The following SLC35D2 variants were observed in gnomAD, a reference collection of about 807,000 sequenced individuals.
SLC35D2 encodes the protein solute carrier family 35 member D2.
A neutral mutation model predicts 41.8 loss-of-function variants in SLC35D2; 43 were observed. The observed-to-expected ratio is 1.03, with a 90% confidence interval of 0.81 to 1.33. The LOEUF is 1.33. SLC35D2 is among the 40% of genes most tolerant of loss of function. The probability of loss-of-function intolerance (pLI) is 0.00; values close to 1 mark genes in which losing one functional copy is unlikely to be tolerated. For synonymous variants in SLC35D2, 150 were observed against 163.9 expected (o/e 0.92, Z 0.65); for missense variants, 380 against 408.4 (o/e 0.93, Z 0.60).
At chr9:96,321,799 T>C (rs1828244142) in intron 11 of SLC35D2, among the ~76,000 whole-genome samples, 199 bp downstream of exon 11, 1 of 152,166 alleles carries the variant, frequency 6.6e-6, no homozygotes, top group Admixed American at 6.5e-5. Context: ...CCCCGCAAAC[T>C]GCCATCACAC....
At chr9:96,318,495 G>A (rs756805737), downstream of SLC35D2, among the ~76,000 whole-genome samples, 3 of 151,608 alleles carry the variant, frequency 2.0e-5, no homozygotes, top group Non-Finnish European at 2.9e-5. Flanking sequence ...ATATAAAAGC[G>A]TATTGAAACA....
chr9:96,326,083 A>G (rs1364658287), intron 9 of SLC35D2, among the ~76,000 whole-genome samples: 1 of 152,266 alleles, frequency 6.6e-6, no homozygotes, highest in Non-Finnish European at 1.5e-5. Context: ...TTTGAAATAT[A>G]TAATTGATAT....
chr9:96,322,558 T>C (rs1334086413), intron 10 of SLC35D2, among the ~76,000 whole-genome samples: 5 of 152,088 alleles, frequency 3.3e-5, no homozygotes, highest in African/African-American at 4.8e-5. Context: ...TGGGGCTTAC[T>C]AAATAAATGC....
At chr9:96,364,434 TCA>T in intron 3 of SLC35D2, 28 bp downstream of exon 3, 1 of 1,263,466 alleles carries the variant, frequency 7.9e-7, no homozygotes. Context: ...ACATCTTCTA[TCA>T]CAGTCATACA....
chr9:96,337,813 C>T (rs1008375307), intron 8 of SLC35D2, among the ~76,000 whole-genome samples: 2 of 151,562 alleles, frequency 1.3e-5, no homozygotes, highest in Non-Finnish European at 2.9e-5. Flanking sequence ...GAAACCCTAT[C>T]TCTACGAAAA....
At chr9:96,376,313 A>T (rs1830954364) in intron 1 of SLC35D2, among the ~76,000 whole-genome samples, 1 of 146,722 alleles carries the variant, frequency 6.8e-6, no homozygotes, top group Admixed American at 6.8e-5. Context: ...AAAAAAAAAA[A>T]ATACAAAAAC....
Position 96,351,162 on chromosome 9 carries a change from A to G in SLC35D2, c.429T>C (p.Tyr143=), listed in dbSNP as rs114277330. The change falls in exon 6 of 12, where the codon TAT becomes TAC. Residue 143 remains tyrosine, a synonymous_variant. Transcript: ENST00000253270. ...AGACACTGAGGATGATGTTGAGTGA[A>G]TACTGCTTCCTGTAATAAATACACA... ...LLETIILGKQ[Y]SLNIILSVFA... is the part of the protein sequence containing the mutation. 1,597 of 1,606,020 alleles carry G rather than the reference A, an allele frequency of 9.9e-4. 13 individuals carry two copies. In the African/African-American group the frequency reaches 0.017, roughly 18 times the overall value.
rs570146790 is a variant in SLC35D2 at position 96,342,459 on chromosome 9, T to C, written c.684+1445A>G. 3.3e-5 allele frequency among the ~76,000 whole-genome samples: 5 copies of C among 152,290 alleles called. No homozygotes were observed. In the South Asian group the frequency reaches 1.0e-3, roughly 32 times the overall value. ...GTTCATAATTTTGTTTTGTGTAATG[T>C]TGGAGCACTGACTCAGTTTAAAATT... On this transcript the variant is annotated intron_variant, in intron 8 of 11. Transcript: ENST00000253270.
intron 4 of SLC35D2, among the ~76,000 whole-genome samples, chr9:96,355,416 C>T (rs543103142): frequency 2.0e-5 from 3 of 151,460 alleles, no homozygotes; most frequent in South Asian, 2.1e-4. Flanking sequence ...CACAGGAGGT[C>T]GAGGCTACTG....
intron 9 of SLC35D2, among the ~76,000 whole-genome samples, chr9:96,330,725 A>T (rs1366937166): frequency 1.3e-5 from 2 of 152,168 alleles, no homozygotes; most frequent in Non-Finnish European, 2.9e-5. Flanking sequence ...GGAGAAGTTA[A>T]GTCTGGAAAC....
At position 96,383,473 on chromosome 9, in the gene SLC35D2, T is replaced by C; in HGVS notation, c.158+4A>G. ...AGACCCCCCGGCCCCGGGCCCCGCCTCACCCGTAGGTGGTCAGCAGCGCCT... is the reference window on the plus strand; with the variant it reads ...AGACCCCCCGGCCCCGGGCCCCGCCCCACCCGTAGGTGGTCAGCAGCGCCT... On this transcript the variant is annotated splice_donor_region_variant and intron_variant, in intron 1 of 11. Coordinates refer to ENST00000253270, the MANE Select transcript of SLC35D2 (RefSeq NM_007001.3). 1 of 1,520,602 alleles carries C rather than the reference T, an allele frequency of 6.6e-7. No individual in the cohort carries two copies. Among genetic ancestry groups the C allele is most frequent in the Non-Finnish European group, 8.8e-7 (1 of 1,130,884 alleles). 94.2% of individuals were successfully genotyped at this position (1,520,602 alleles called of 1,614,324 possible). A position where few individuals can be genotyped will look rare whatever the true frequency, so the allele number is the denominator to read the frequency against.
intron 3 of SLC35D2, among the ~76,000 whole-genome samples, chr9:96,360,764 A>G (rs926051093): frequency 4.6e-5 from 7 of 151,746 alleles, no homozygotes; most frequent in Non-Finnish European, 8.8e-5. Flanking sequence ...TTTTTGAGAC[A>G]GAGTTTTGCT....
chr9:96,363,525 C>G (rs1183364970), intron 3 of SLC35D2, among the ~76,000 whole-genome samples: 3 of 152,210 alleles, frequency 2.0e-5, no homozygotes, highest in Non-Finnish European at 4.4e-5. Flanking sequence ...AATGCCTGCC[C>G]TAATGTCTGG....
At chr9:96,342,092 T>G (rs1829354177) in intron 8 of SLC35D2, among the ~76,000 whole-genome samples, 1 of 151,816 alleles carries the variant, frequency 6.6e-6, no homozygotes, top group Non-Finnish European at 1.5e-5. Context: ...CATTAAGAGT[T>G]CATAATTTTT....
intron 10 of SLC35D2, among the ~76,000 whole-genome samples, chr9:96,323,165 C>T (rs1409262041): frequency 6.6e-6 from 1 of 152,004 alleles, no homozygotes; most frequent in Non-Finnish European, 1.5e-5. Context: ...CGTGCTCTGC[C>T]CAGTGCATTC....
At chr9:96,321,911 T>C in intron 11 of SLC35D2, 87 bp downstream of exon 11, 1 of 763,544 alleles carries the variant, frequency 1.3e-6, no homozygotes, top group Non-Finnish European at 2.2e-6. Context: ...GAAAGACTTC[T>C]CCAGGCTCTT....
At chr9:96,364,166 A>G (rs939344548) in intron 3 of SLC35D2, among the ~76,000 whole-genome samples, 3 of 151,984 alleles carry the variant, frequency 2.0e-5, no homozygotes, top group Non-Finnish European at 2.9e-5. Context: ...AAATACAAAA[A>G]CAAAACAAAA....
At chr9:96,327,808 TACAG>T (rs1179427176) in intron 9 of SLC35D2, among the ~76,000 whole-genome samples, 1 of 151,638 alleles carries the variant, frequency 6.6e-6, no homozygotes. Flanking sequence ...TTTTTCTAGA[TACAG>T]AGTCTTGCTA....
chr9:96,358,688 T>C (rs779791522), intron 4 of SLC35D2, among the ~76,000 whole-genome samples: 1 of 152,212 alleles, frequency 6.6e-6, no homozygotes, highest in Non-Finnish European at 1.5e-5. Flanking sequence ...TGAAAATTTG[T>C]TCTTATCGAA....
Sources: allele counts gnomAD v4.1 joint callset (sites outside exome capture counted in the v4.1 genomes callset), GRCh38; gene constraint gnomAD v4.1.1; transcripts MANE v1.5; gene names NCBI Gene and HGNC (gene_info 2026-07-23, HGNC 2026-07-21).